Variants in FGD6 observed in about 807,000 individuals in gnomAD.
FGD6 encodes the protein FYVE, RhoGEF and PH domain containing 6, also known as FYVE, RhoGEF and PH domain-containing protein 6.
FGD6 carries 90 observed loss-of-function variants against 149.4 expected under a neutral mutation model. The ratio of observed to expected loss-of-function variants is 0.60; its 90% CI spans 0.51 to 0.72. The LOEUF (loss-of-function observed/expected upper bound fraction) is 0.72. Ranked by LOEUF, FGD6 falls within the 30% of genes least tolerant of loss-of-function variation. The pLI, the probability that FGD6 is intolerant of heterozygous loss-of-function variation, is 0.00. For synonymous variants in FGD6, 527 were observed against 584.0 expected (o/e 0.90, Z 1.41); for missense variants, 1,437 against 1,684.8 (o/e 0.85, Z 2.57).
At chr12:95,142,142 A>ATTTTTT (rs542164287) in intron 5 of FGD6, among the ~76,000 whole-genome samples, 1 of 132,672 alleles carries the variant, frequency 7.5e-6, no homozygotes. Context: ...TCACTTTTGT[A>ATTTTTT]TTTTTTTTTT....
Position 95,081,741 on chromosome 12 carries a change from A to G in FGD6, c.4257-185T>C, listed in dbSNP as rs183391223. Among the ~76,000 whole-genome samples the G allele has an allele frequency of 4.5e-3, 671 of 149,434 alleles. 3 individuals carry two copies. Among genetic ancestry groups the G allele is most frequent in the Non-Finnish European group, 5.2e-3 (354 of 67,638 alleles). Reference sequence around the variant, plus strand: ...CTCTCGTTGCTCAGGCTGGAGTGCAATAGTGCTATCTCGGCTCACCACAAT... The same window carrying G: ...CTCTCGTTGCTCAGGCTGGAGTGCAGTAGTGCTATCTCGGCTCACCACAAT... On this transcript the variant is annotated intron_variant, in intron 20 of 20. Coordinates refer to ENST00000343958, the MANE Select transcript of FGD6 (RefSeq NM_018351.4).
chr12:95,125,206 T>A (rs955049964), intron 8 of FGD6, among the ~76,000 whole-genome samples: 1 of 152,132 alleles, frequency 6.6e-6, no homozygotes, highest in African/African-American at 2.4e-5. Context: ...GAAACTAAGA[T>A]TACATTTAAA....
Position 95,149,993 on chromosome 12 carries a change from TACACACACAC to T in FGD6, c.2685+2808_2685+2817del, listed in dbSNP as rs10652699. 1.7e-3 allele frequency among the ~76,000 whole-genome samples: 221 copies of T among 131,988 alleles called. 2 individuals carry two copies. The highest frequency in any genetic ancestry group is 3.1e-3 in the African/African-American group (110 of 35,132). 86.6% of individuals were successfully genotyped at this position (131,988 alleles called of 152,430 possible). A position where few individuals can be genotyped will look rare whatever the true frequency, so the allele number is the denominator to read the frequency against. ...ATAGTATACTATATATGCTATATAT[TACACACACAC>T]ACACACACACACACACACACACACA... On this transcript the variant is annotated intron_variant, in intron 5 of 20. Transcript: ENST00000343958.
intron 5 of FGD6, among the ~76,000 whole-genome samples, chr12:95,148,612 A>T (rs1332364009): frequency 3.1e-5 from 4 of 130,796 alleles, no homozygotes; most frequent in Non-Finnish European, 4.6e-5. Flanking sequence ...CATGTTATAT[A>T]TATTATATAA....
chr12:95,160,222 G>A (rs936256242), intron 3 of FGD6, among the ~76,000 whole-genome samples: 1 of 151,884 alleles, frequency 6.6e-6, no homozygotes, highest in African/African-American at 2.4e-5. Flanking sequence ...ATGTGAATAT[G>A]TGAAGAAACA....
In FGD6 at chr12:95,210,775, C is replaced by A; in HGVS notation, c.509G>T (p.Gly170Val). The change falls in exon 2 of 21, where the codon GGT becomes GTT. Residue 170 changes from glycine (G) to valine (V), a missense_variant. Gly to Val is a moderately radical substitution (Grantham distance 109). Transcript: ENST00000343958. The part of the protein sequence containing the change: ...DLYGEKAKNQ[G>V]GVVLKASVLE... ...AACGCTTGCCTTTAAAACAACCCCACCCTGGTTCTTGGCTTTTTCACCATA... is the reference window on the plus strand; with the variant it reads ...AACGCTTGCCTTTAAAACAACCCCAACCTGGTTCTTGGCTTTTTCACCATA... 1.9e-6 allele frequency: 3 copies of A among 1,614,108 alleles called. No individual in the cohort carries two copies. Among genetic ancestry groups the A allele is most frequent in the Non-Finnish European group, 2.5e-6 (3 of 1,180,024 alleles).
intron 14 of FGD6, among the ~76,000 whole-genome samples, chr12:95,104,385 G>A (rs1878539992): frequency 6.6e-6 from 1 of 152,070 alleles, no homozygotes; most frequent in Non-Finnish European, 1.5e-5. Flanking sequence ...GATTGCATGA[G>A]CTCAGGAGTT....
chr12:95,173,128 G>C (rs1461869011), intron 2 of FGD6, among the ~76,000 whole-genome samples: 1 of 152,078 alleles, frequency 6.6e-6, no homozygotes, highest in Non-Finnish European at 1.5e-5. Context: ...CTGTTTCCTT[G>C]GGCCTTGGTG....
chr12:95,182,271 T>A (rs915166927), intron 2 of FGD6, among the ~76,000 whole-genome samples: 1 of 151,316 alleles, frequency 6.6e-6, no homozygotes, highest in Non-Finnish European at 1.5e-5. Flanking sequence ...GGCATGATCT[T>A]GGCTCACTGC....
intron 13 of FGD6, 132 bp downstream of exon 13, chr12:95,106,822 A>T: frequency 1.5e-6 from 1 of 661,126 alleles, no homozygotes; most frequent in East Asian, 2.9e-5. Context: ...TGAACCCAGG[A>T]GGTGGAGGTT....
At chr12:95,172,337 T>C (rs1005518017) in intron 3 of FGD6, among the ~76,000 whole-genome samples, 5 of 152,106 alleles carry the variant, frequency 3.3e-5, no homozygotes, top group Non-Finnish European at 5.9e-5. Flanking sequence ...GATGGCGCCA[T>C]TGCACTCCAG....
At chr12:95,117,406 G>A (rs1383858880) in intron 8 of FGD6, among the ~76,000 whole-genome samples, 3 of 151,764 alleles carry the variant, frequency 2.0e-5, no homozygotes, top group African/African-American at 7.3e-5. Context: ...CAACTTCTAG[G>A]GATATGCAAG....
intron 3 of FGD6, among the ~76,000 whole-genome samples, chr12:95,163,647 T>G (rs1467210127): frequency 1.3e-5 from 2 of 152,186 alleles, no homozygotes; most frequent in East Asian, 3.8e-4. Context: ...ATGTGTTGCA[T>G]AACACAAAAA....
Position 95,208,900 on chromosome 12 carries a change from T to A in FGD6, c.2384A>T (p.Glu795Val). 1 of 1,614,114 alleles carries A rather than the reference T, an allele frequency of 6.2e-7. No homozygotes were observed. Among genetic ancestry groups the A allele is most frequent in the Non-Finnish European group, 8.5e-7 (1 of 1,180,016 alleles). ...CTGGCCATCTGGAGCTTCATACGGC[T>A]CTTCTACCTCATACACATTTGCATC... ...DADANVYEVE[E>V]PYEAPDGQLQ... The change falls in exon 2 of 21, where the codon GAG becomes GTG. Residue 795 changes from glutamate (E) to valine (V), a missense_variant. Physicochemically the swap from Glu to Val is moderately radical, Grantham distance 121. Transcript: ENST00000343958.
intron 14 of FGD6, among the ~76,000 whole-genome samples, chr12:95,097,307 T>A (rs1878264921): frequency 6.6e-6 from 1 of 152,156 alleles, no homozygotes; most frequent in African/African-American, 2.4e-5. Flanking sequence ...GTCAAGTAAG[T>A]ACCACTTTCC....
intron 14 of FGD6, among the ~76,000 whole-genome samples, chr12:95,095,887 GCCTGTAAT>G (rs1878217078): frequency 6.6e-6 from 1 of 151,964 alleles, no homozygotes; most frequent in South Asian, 2.1e-4. Flanking sequence ...GGTGGTGCAT[GCCTGTAAT>G]CCCAGCTACT....
At position 95,148,799 on chromosome 12, in the gene FGD6, ATATGT is replaced by A. The variant is rs1346082615; in HGVS notation, c.2685+4007_2685+4011del. 1.2e-4 allele frequency among the ~76,000 whole-genome samples: 12 copies of A among 102,286 alleles called. 4 individuals are homozygous for A. The highest frequency in any genetic ancestry group is 2.6e-4 in the East Asian group (1 of 3,874). 67.1% of individuals were successfully genotyped at this position (102,286 alleles called of 152,430 possible). On this transcript the variant is annotated intron_variant, in intron 5 of 20. Coordinates refer to ENST00000343958, the MANE Select transcript of FGD6 (RefSeq NM_018351.4). ...TATTATATATTATATAATACATAGC[ATATGT>A]TATATTACATATATTATATATATTA...
rs1879333242 is a variant in FGD6, at chr12:95,126,187, C to T, written c.3082+8552G>A. On this transcript the variant is annotated intron_variant, in intron 8 of 20. Transcript: ENST00000343958. ...CTCCTGAAAGCTTCTCTCAAAAAAG[C>T]ACCTGTTGCTAAGGGTGCTGCTGCA... is the stretch of plus-strand genomic sequence containing the variant. 3.6e-6 allele frequency: 4 copies of T among 1,123,710 alleles called. No homozygotes were observed. In the East Asian group the frequency reaches 9.5e-5, roughly 27 times the overall value. The allele number at this position is 1,123,710 out of a possible 1,614,324, so 69.6% of individuals were successfully genotyped here. A position where few individuals can be genotyped will look rare whatever the true frequency, so the allele number is the denominator to read the frequency against.
At chr12:95,198,196 G>A (rs756049287) in intron 2 of FGD6, among the ~76,000 whole-genome samples, 1 of 152,108 alleles carries the variant, frequency 6.6e-6, no homozygotes, top group Non-Finnish European at 1.5e-5. Context: ...ACATCAACAT[G>A]TTCTGATTAA....
Sources: gnomAD v4.1 joint callset for allele counts (sites outside exome capture counted in the v4.1 genomes callset) on GRCh38, gnomAD v4.1.1 for gene constraint, MANE v1.5 for transcripts, NCBI Gene and HGNC (gene_info 2026-07-23, HGNC 2026-07-21) for gene names.